The following HYCC1 variants were observed in gnomAD, a reference collection of about 807,000 sequenced individuals.
HYCC1 encodes hyccin PI4KA lipid kinase complex subunit 1, also known as hyccin.
At chr7:22,913,017 G>T in the HYCC1 span, among the ~76,000 whole-genome samples, 12 of 152,012 alleles carry the variant, frequency 7.9e-5, no homozygotes, top group Non-Finnish European at 1.8e-4. Flanking sequence ...CCAGCTACTT[G>T]GGAAGCTGAG....
the HYCC1 span, among the ~76,000 whole-genome samples, chr7:22,918,049 CTG>C: frequency 2.0e-5 from 3 of 152,100 alleles, no homozygotes; most frequent in Non-Finnish European, 2.9e-5. Flanking sequence ...AAAGAGGACT[CTG>C]TATATTTTTA....
the HYCC1 span, among the ~76,000 whole-genome samples, chr7:23,013,302 A>G: frequency 6.6e-6 from 1 of 152,250 alleles, no homozygotes; most frequent in East Asian, 1.9e-4. Flanking sequence ...TAACCAAGGA[A>G]GGAAGCGTGG....
At chr7:22,980,578 G>T in the HYCC1 span, among the ~76,000 whole-genome samples, 1 of 152,160 alleles carries the variant, frequency 6.6e-6, no homozygotes, top group Non-Finnish European at 1.5e-5. Context: ...TAAGGAAAAT[G>T]TTCTTTAATG....
At chr7:22,986,983 G>A in the HYCC1 span, among the ~76,000 whole-genome samples, 1 of 152,060 alleles carries the variant, frequency 6.6e-6, no homozygotes, top group Admixed American at 6.6e-5. Context: ...TGGACAGATG[G>A]GTGAAGAACC....
chr7:22,925,783 C>T, the HYCC1 span, among the ~76,000 whole-genome samples: 1 of 152,112 alleles, frequency 6.6e-6, no homozygotes, highest in Non-Finnish European at 1.5e-5. Context: ...GGAGAACTTC[C>T]CCAATCTAGC....
the HYCC1 span, among the ~76,000 whole-genome samples, chr7:22,992,240 C>T: frequency 6.6e-6 from 1 of 151,948 alleles, no homozygotes; most frequent in South Asian, 2.1e-4. Flanking sequence ...TTCTAAGGTT[C>T]CTGCTGTCTA....
the HYCC1 span, among the ~76,000 whole-genome samples, chr7:22,930,387 G>GAAAAAAAAAAA: frequency 2.0e-5 from 2 of 98,788 alleles, no homozygotes; most frequent in African/African-American, 7.4e-5. Flanking sequence ...AAAAGAAAAA[G>GAAAAAAAAAAA]AAAAAGAAAA....
chr7:22,941,438 A>G, the HYCC1 span: 1 of 152,178 alleles, frequency 6.6e-6, no homozygotes, highest in Non-Finnish European at 1.5e-5. Flanking sequence ...TTTATTCTTT[A>G]GGAATGTAAA....
the HYCC1 span, among the ~76,000 whole-genome samples, chr7:22,918,440 G>A: frequency 6.6e-6 from 1 of 151,962 alleles, no homozygotes; most frequent in Non-Finnish European, 1.5e-5. Context: ...ACTAGAAGCA[G>A]CCCTGGGAAA....
the HYCC1 span, among the ~76,000 whole-genome samples, chr7:22,986,052 C>G: frequency 2.0e-4 from 30 of 150,588 alleles, no homozygotes; most frequent in Middle Eastern, 3.2e-3. Flanking sequence ...ATCATCTAGG[C>G]TAAAACTAGA....
At chr7:22,908,172 G>A in the HYCC1 span, among the ~76,000 whole-genome samples, 2 of 152,140 alleles carry the variant, frequency 1.3e-5, no homozygotes, top group African/African-American at 4.8e-5. Flanking sequence ...TGAAAAATAG[G>A]GAAATGCACA....
At chr7:22,964,803 T>C in the HYCC1 span, among the ~76,000 whole-genome samples, 3 of 152,154 alleles carry the variant, frequency 2.0e-5, no homozygotes, top group Non-Finnish European at 2.9e-5. Flanking sequence ...GTCAATTAAC[T>C]ACCAATAATT....
the HYCC1 span, among the ~76,000 whole-genome samples, chr7:22,930,374 G>GT: frequency 9.0e-6 from 1 of 111,570 alleles, no homozygotes; most frequent in Non-Finnish European, 1.9e-5. Context: ...TAGAAACAAA[G>GT]TAAAAAGAAA....
At chr7:22,981,623 G>A in the HYCC1 span, among the ~76,000 whole-genome samples, 2 of 152,282 alleles carry the variant, frequency 1.3e-5, no homozygotes, top group African/African-American at 4.8e-5. Context: ...CAATGCTTCG[G>A]AAAGTGTGGT....
At chr7:23,011,535 A>G in the HYCC1 span, among the ~76,000 whole-genome samples, 1 of 152,112 alleles carries the variant, frequency 6.6e-6, no homozygotes, top group Non-Finnish European at 1.5e-5. Context: ...TGCCACAGTA[A>G]AGGTCTAAAA....
the HYCC1 span, chr7:22,964,332 TTATAA>T: frequency 3.6e-6 from 3 of 823,624 alleles, no homozygotes; most frequent in Admixed American, 5.3e-5. Context: ...TCTATTGACA[TTATAA>T]TATAGTGACA....
the HYCC1 span, among the ~76,000 whole-genome samples, chr7:23,012,443 C>T: frequency 6.6e-6 from 1 of 152,190 alleles, no homozygotes; most frequent in Admixed American, 6.5e-5. Context: ...TCCTTCTAAT[C>T]CCTCATGGTA....
the HYCC1 span, among the ~76,000 whole-genome samples, chr7:22,988,992 G>A: frequency 3.3e-5 from 5 of 152,122 alleles, no homozygotes; most frequent in South Asian, 1.0e-3. Context: ...GAGGGGAAGG[G>A]AATAAACAAA....
chr7:22,971,341 A>G, the HYCC1 span, among the ~76,000 whole-genome samples: 2 of 149,304 alleles, frequency 1.3e-5, no homozygotes, highest in Admixed American at 1.3e-4. Flanking sequence ...GATTATTATT[A>G]TCGGATCTCC....
Sources: gnomAD v4.1 joint callset for allele counts (sites outside exome capture counted in the v4.1 genomes callset) on GRCh38, gnomAD v4.1.1 for gene constraint, MANE v1.5 for transcripts, NCBI Gene and HGNC (gene_info 2026-07-23, HGNC 2026-07-21) for gene names.